Variants in CDH18 observed in about 807,000 individuals in gnomAD.
The protein encoded by CDH18 is cadherin-18.
Under a neutral mutation model 67.9 loss-of-function variants are expected in CDH18, and 31 were observed. The ratio of observed to expected loss-of-function variants is 0.46; its 90% confidence interval spans 0.34 to 0.62. The LOEUF (loss-of-function observed/expected upper bound fraction) is 0.62. CDH18 is among the 20% of genes least tolerant of loss of function. The pLI is 0.01. For missense variants in CDH18, 890 were observed against 975.5 expected (o/e 0.91, Z 1.17); for synonymous variants, 362 against 347.2 (o/e 1.04, Z -0.48).
chr5:20,229,042 GT>G (rs1332230899), intron 2 of CDH18, among the ~76,000 whole-genome samples: 1 of 151,986 alleles, frequency 6.6e-6, no homozygotes, highest in Non-Finnish European at 1.5e-5. Flanking sequence ...GTTGGTGAAT[GT>G]TTTTTGTAAT....
At chr5:19,974,597 T>C (rs908861722) in intron 2 of CDH18, among the ~76,000 whole-genome samples, 1 of 151,244 alleles carries the variant, frequency 6.6e-6, no homozygotes, top group Non-Finnish European at 1.5e-5. Flanking sequence ...AGTGATACTT[T>C]AATGATGTAA....
intron 2 of CDH18, among the ~76,000 whole-genome samples, chr5:20,128,242 C>G (rs562796924): frequency 6.6e-6 from 1 of 151,996 alleles, no homozygotes; most frequent in South Asian, 2.1e-4. Flanking sequence ...CACGAAGATA[C>G]TATGAAAATA....
chr5:19,689,848 C>CTA (rs753135689), intron 5 of CDH18, among the ~76,000 whole-genome samples: 1 of 151,586 alleles, frequency 6.6e-6, no homozygotes, highest in Non-Finnish European at 1.5e-5. Flanking sequence ...TTTAAGTGAT[C>CTA]TATGATATGC....
intron 1 of CDH18, among the ~76,000 whole-genome samples, chr5:20,458,477 G>A (rs1175016504): frequency 6.6e-6 from 1 of 152,020 alleles, no homozygotes; most frequent in Non-Finnish European, 1.5e-5. Flanking sequence ...CATTAGCTGG[G>A]CGCGGTGGCA....
chr5:20,518,655 A>T (rs1203143969), intron 1 of CDH18, among the ~76,000 whole-genome samples: 1 of 152,164 alleles, frequency 6.6e-6, no homozygotes, highest in Non-Finnish European at 1.5e-5. Flanking sequence ...CTTTGCCAAA[A>T]GTACACTATT....
intron 3 of CDH18, among the ~76,000 whole-genome samples, chr5:19,764,311 T>C (rs1173655777): frequency 1.3e-5 from 2 of 152,008 alleles, no homozygotes; most frequent in Non-Finnish European, 2.9e-5. Flanking sequence ...TGAATGATTA[T>C]TAAAATAATA....
chr5:19,904,071 C>A (rs2150120655), intron 2 of CDH18, among the ~76,000 whole-genome samples: 1 of 151,878 alleles, frequency 6.6e-6, no homozygotes, highest in African/African-American at 2.4e-5. Context: ...GTCAGGAATT[C>A]AAGGGCAGGT....
chr5:19,868,865 G>C (rs959979814), intron 2 of CDH18, among the ~76,000 whole-genome samples: 1 of 152,150 alleles, frequency 6.6e-6, no homozygotes, highest in African/African-American at 2.4e-5. Context: ...AAAGGGAAAA[G>C]AGAAGAAGAA....
intron 1 of CDH18, among the ~76,000 whole-genome samples, chr5:20,535,814 T>A (rs1170556673): frequency 6.6e-6 from 1 of 152,136 alleles, no homozygotes; most frequent in Non-Finnish European, 1.5e-5. Context: ...AGTGAATATA[T>A]CTGGAGATTT....
At chr5:19,474,126 T>C (rs1198933793) in intron 12 of CDH18, among the ~76,000 whole-genome samples, 4 of 152,126 alleles carry the variant, frequency 2.6e-5, no homozygotes, top group Non-Finnish European at 5.9e-5. Context: ...TCCTTCTAGG[T>C]AGATACACTA....
At chr5:19,504,220 A>G (rs1743716354) in intron 10 of CDH18, among the ~76,000 whole-genome samples, 1 of 152,028 alleles carries the variant, frequency 6.6e-6, no homozygotes, top group South Asian at 2.1e-4. Flanking sequence ...GTGACAGTGA[A>G]GAAAGTACTT....
At chr5:19,960,591 A>G (rs202129786) in intron 2 of CDH18, among the ~76,000 whole-genome samples, 1,675 of 73,778 alleles carry the variant, frequency 0.023, 16 homozygotes, top group East Asian at 0.062. Flanking sequence ...GTGTGTGTGT[A>G]TATATATATA....
chr5:19,850,995 A>T (rs1294016667), intron 2 of CDH18, among the ~76,000 whole-genome samples: 1 of 151,886 alleles, frequency 6.6e-6, no homozygotes, highest in Non-Finnish European at 1.5e-5. Context: ...ACCTGGTTGC[A>T]AAAAGGTCCT....
chr5:20,359,678 T>C (rs932748836), intron 1 of CDH18, among the ~76,000 whole-genome samples: 1 of 152,194 alleles, frequency 6.6e-6, no homozygotes, highest in Non-Finnish European at 1.5e-5. Context: ...CAAGTAGGAA[T>C]ATATATATCA....
intron 2 of CDH18, among the ~76,000 whole-genome samples, chr5:19,863,790 A>G (rs1785160856): frequency 6.6e-6 from 1 of 152,194 alleles, no homozygotes; most frequent in Non-Finnish European, 1.5e-5. Context: ...GGCAAGAACA[A>G]CATAGGGAGG....
At chr5:20,564,264 A>G (rs1248313760) in intron 1 of CDH18, among the ~76,000 whole-genome samples, 1 of 108,236 alleles carries the variant, frequency 9.2e-6, no homozygotes, top group Non-Finnish European at 2.0e-5. Flanking sequence ...TCACAGTTTT[A>G]TTTATTTATT....
chr5:20,490,982 A>G (rs1350968776), intron 1 of CDH18, among the ~76,000 whole-genome samples: 2 of 152,136 alleles, frequency 1.3e-5, no homozygotes, highest in African/African-American at 4.8e-5. Flanking sequence ...AAGTAAGTAG[A>G]TCCTTTCAAA....
intron 1 of CDH18, among the ~76,000 whole-genome samples, chr5:20,546,068 C>T (rs1757325669): frequency 2.0e-5 from 3 of 152,134 alleles, no homozygotes; most frequent in Non-Finnish European, 4.4e-5. Context: ...CCACAGATCT[C>T]TAGGGTGGGG....
At chr5:19,808,469 G>A (rs768314648) in intron 3 of CDH18, among the ~76,000 whole-genome samples, 4 of 152,060 alleles carry the variant, frequency 2.6e-5, no homozygotes, top group Non-Finnish European at 5.9e-5. Context: ...CATACCTTCT[G>A]AGAATAATGT....
Sources: gnomAD v4.1 joint callset for allele counts (sites outside exome capture counted in the v4.1 genomes callset) on GRCh38, gnomAD v4.1.1 for gene constraint, MANE v1.5 for transcripts, NCBI Gene and HGNC (gene_info 2026-07-23, HGNC 2026-07-21) for gene names.